PGGT1B: variants seen among roughly 807,000 people sequenced by gnomAD.
PGGT1B encodes protein geranylgeranyltransferase type I subunit beta, also known as geranylgeranyl transferase type-1 subunit beta.
In PGGT1B, 30 loss-of-function variants were observed where a neutral mutation model predicts 46.1. The observed-to-expected ratio is 0.65, with a 90% CI of 0.49 to 0.88. The LOEUF is 0.88. PGGT1B is among the 40% of genes least tolerant of loss of function. The pLI, the probability that PGGT1B is intolerant of heterozygous loss-of-function variation, is 0.00. For synonymous variants in PGGT1B, 170 were observed against 160.0 expected (o/e 1.06, Z -0.47); for missense variants, 376 against 455.9 (o/e 0.82, Z 1.60).
intron 6 of PGGT1B, among the ~76,000 whole-genome samples, chr5:115,225,715 G>C (rs942997248): frequency 6.7e-6 from 1 of 148,858 alleles, no homozygotes; most frequent in Non-Finnish European, 1.5e-5. Flanking sequence ...GTGTGATCTC[G>C]GCTCACTGCA....
intron 1 of PGGT1B, among the ~76,000 whole-genome samples, chr5:115,257,530 CAAAAAAAAAAAAA>C (rs1169870044): frequency 1.4e-5 from 1 of 72,114 alleles, no homozygotes; most frequent in Non-Finnish European, 2.6e-5. Context: ...AACTCCATCT[CAAAAAAAAAAAAA>C]AAAAAAAAGA....
intron 2 of PGGT1B, among the ~76,000 whole-genome samples, chr5:115,246,968 G>T (rs1235571788): frequency 6.6e-6 from 1 of 152,112 alleles, no homozygotes; most frequent in Non-Finnish European, 1.5e-5. Context: ...TAATATGTGT[G>T]TGTGTTTATG....
intron 1 of PGGT1B, among the ~76,000 whole-genome samples, chr5:115,261,224 C>G (rs1748543067): frequency 6.6e-6 from 1 of 152,190 alleles, no homozygotes; most frequent in Non-Finnish European, 1.5e-5. Flanking sequence ...GTTTGGAAAT[C>G]TGAATCTTTC....
rs1239344780 is a variant in PGGT1B, at chr5:115,207,891, T to C, written c.*4511A>G. On this transcript the variant is annotated 3_prime_UTR_variant, in exon 9 of 9. Transcript: ENST00000419445. ...CTTTGAAATTTAAGATGCTGGCTTT[T>C]AGGTAGAGGTACAATGTTAATAGAT... The C allele has an allele frequency of 6.6e-6, 1 of 152,114 alleles. No homozygotes were observed. The highest frequency in any genetic ancestry group is 2.4e-5 in the African/African-American group (1 of 41,446). 9.4% of individuals were successfully genotyped at this position (152,114 alleles called of 1,614,324 possible). A position where few individuals can be genotyped will look rare whatever the true frequency, so the allele number is the denominator to read the frequency against.
In PGGT1B at chr5:115,207,712, A is replaced by G. The variant is rs1384216332; in HGVS notation, c.*4690T>C. ...AAGTTCCTTTGGGCTTTCTAGATAC[A>G]TATTCATATCTGCAAATAGTTTTAC... On this transcript the variant is annotated 3_prime_UTR_variant, in exon 9 of 9. Transcript: ENST00000419445. The G allele has an allele frequency of 6.6e-6, 1 of 152,076 alleles. No homozygotes were observed. The highest frequency in any genetic ancestry group is 1.9e-4 in the East Asian group (1 of 5,202). The allele number at this position is 152,076 out of a possible 1,614,324, so 9.4% of individuals were successfully genotyped here.
At chr5:115,248,015 T>A (rs900064025) in intron 2 of PGGT1B, among the ~76,000 whole-genome samples, 2 of 152,204 alleles carry the variant, frequency 1.3e-5, no homozygotes, top group African/African-American at 2.4e-5. Context: ...CTTAGCCACA[T>A]GAAACCATAC....
At chr5:115,232,198 T>A (rs1211121168) in intron 5 of PGGT1B, among the ~76,000 whole-genome samples, 1 of 152,092 alleles carries the variant, frequency 6.6e-6, no homozygotes, top group African/African-American at 2.4e-5. Context: ...GGAATGTTGA[T>A]AATATTGCTG....
chr5:115,228,020 C>T (rs1290799418), intron 6 of PGGT1B, among the ~76,000 whole-genome samples: 1 of 152,182 alleles, frequency 6.6e-6, no homozygotes, highest in African/African-American at 2.4e-5. Flanking sequence ...TTCCAGATTG[C>T]TGGCTTCCCC....
Position 115,211,377 on chromosome 5 carries a change from T to C in PGGT1B, c.*1025A>G, listed in dbSNP as rs1196797223. On this transcript the variant is annotated 3_prime_UTR_variant, in exon 9 of 9. Transcript: ENST00000419445. ...TTTCACTTACCTGAAAATATGAGAA[T>C]AAAAATGACCATGTATTGAGTTACA... The C allele has an allele frequency of 2.6e-5, 4 of 151,958 alleles. No homozygotes were observed. The highest frequency in any genetic ancestry group is 5.9e-5 in the Non-Finnish European group (4 of 67,908). 9.4% of individuals were successfully genotyped at this position (151,958 alleles called of 1,614,324 possible). A position where few individuals can be genotyped will look rare whatever the true frequency, so the allele number is the denominator to read the frequency against.
chr5:115,262,695 A>T lies in PGGT1B; in HGVS notation c.140+17T>A. On this transcript the variant is annotated intron_variant, in intron 1 of 8. Transcript: ENST00000419445. ...CCCGGGCCTTGTGCCAGCCTGGCTG[A>T]CTGTGCCACGAGTTACCTGCTTGTC... 6.3e-7 allele frequency: 1 copy of T among 1,596,036 alleles called. No homozygotes were observed.
chr5:115,225,952 G>A (rs1014122737), intron 6 of PGGT1B, among the ~76,000 whole-genome samples: 1 of 151,670 alleles, frequency 6.6e-6, no homozygotes, highest in African/African-American at 2.4e-5. Context: ...CCGGCCAAGT[G>A]AAGTAAATTC....
At chr5:115,235,305 A>G (rs1757145581) in intron 5 of PGGT1B, among the ~76,000 whole-genome samples, 1 of 152,054 alleles carries the variant, frequency 6.6e-6, no homozygotes, top group African/African-American at 2.4e-5. Flanking sequence ...GCAGAGAGAA[A>G]GTTTTTTTCA....
rs1309632802 is a variant in PGGT1B at position 115,206,601 on chromosome 5, GCCTT to G, written c.*5797_*5800del. 6.6e-6 allele frequency: 1 copy of G among 151,912 alleles called. No individual in the cohort carries two copies. Among genetic ancestry groups the G allele is most frequent in the Non-Finnish European group, 1.5e-5 (1 of 67,926 alleles). The allele number at this position is 151,912 out of a possible 1,614,324, so 9.4% of individuals were successfully genotyped here. A position where few individuals can be genotyped will look rare whatever the true frequency, so the allele number is the denominator to read the frequency against. ...TTTTCATTTATTCAACATTACGAAT[GCCTT>G]CCAATATCCATACTTTAACAGTTGC... On this transcript the variant is annotated 3_prime_UTR_variant, in exon 9 of 9. Coordinates refer to ENST00000419445, the MANE Select transcript of PGGT1B (RefSeq NM_005023.4).
chr5:115,239,450 C>T (rs144878938), intron 3 of PGGT1B, among the ~76,000 whole-genome samples: 2 of 152,168 alleles, frequency 1.3e-5, no homozygotes, highest in Non-Finnish European at 2.9e-5. Context: ...GTTCTCCTGG[C>T]TATCCTATTC....
chr5:115,256,078 G>T (rs1748298533), intron 1 of PGGT1B, among the ~76,000 whole-genome samples: 2 of 152,272 alleles, frequency 1.3e-5, no homozygotes, highest in Non-Finnish European at 2.9e-5. Context: ...GTGCAGGCAG[G>T]TTTCAGAAGC....
At chr5:115,261,867 G>T (rs1432206679) in intron 1 of PGGT1B, among the ~76,000 whole-genome samples, 1 of 152,178 alleles carries the variant, frequency 6.6e-6, no homozygotes, top group East Asian at 1.9e-4. Flanking sequence ...TTGTTCAGCT[G>T]TACTCTGGCA....
At chr5:115,259,531 T>C (rs1748460315) in intron 1 of PGGT1B, among the ~76,000 whole-genome samples, 1 of 151,350 alleles carries the variant, frequency 6.6e-6, no homozygotes, top group South Asian at 2.1e-4. Flanking sequence ...CTACTAAAAA[T>C]ACAAAAAATT....
intron 2 of PGGT1B, among the ~76,000 whole-genome samples, chr5:115,250,191 T>C (rs971032665): frequency 6.6e-6 from 1 of 152,210 alleles, no homozygotes; most frequent in African/African-American, 2.4e-5. Flanking sequence ...TTTCTAGATG[T>C]TATAATTCCC....
intron 7 of PGGT1B, among the ~76,000 whole-genome samples, chr5:115,218,446 T>C (rs887732812): frequency 1.5e-5 from 2 of 137,824 alleles, no homozygotes; most frequent in Admixed American, 7.6e-5. Context: ...TTATATATAA[T>C]ATATGACTAA....
Sources: gnomAD v4.1 joint callset for allele counts (sites outside exome capture counted in the v4.1 genomes callset) on GRCh38, gnomAD v4.1.1 for gene constraint, MANE v1.5 for transcripts, NCBI Gene and HGNC (gene_info 2026-07-23, HGNC 2026-07-21) for gene names.